The following CLEC18B variants were observed in gnomAD, a reference collection of about 807,000 sequenced individuals.
CLEC18B encodes C-type lectin domain family 18 member B.
A neutral mutation model predicts 60.4 loss-of-function variants in CLEC18B; 5 were observed. The observed-to-expected ratio is 0.08, with a 90% CI of 0.04 to 0.17. CLEC18B has a LOEUF of 0.17. CLEC18B is among the 10% of genes least tolerant of loss of function. CLEC18B has a pLI of 1.00. For missense variants in CLEC18B, 26 were observed against 572.8 expected (o/e 0.05, Z 9.74); for synonymous variants, 16 against 221.2 (o/e 0.07, Z 8.23).
chr16:74,423,810 C>T (rs1389669568), upstream of CLEC18B, among the ~76,000 whole-genome samples: 4 of 152,158 alleles, frequency 2.6e-5, no homozygotes, highest in East Asian at 1.9e-4. Context: ...GGAACCGACA[C>T]GCTGTGTGAC....
intron 2 of CLEC18B, among the ~76,000 whole-genome samples, chr16:74,419,373 C>T (rs1364012233): frequency 1.3e-5 from 2 of 151,054 alleles, no homozygotes; most frequent in African/African-American, 4.9e-5. Flanking sequence ...AGCAGCCCTC[C>T]ACCCCCACAA....
upstream of CLEC18B, among the ~76,000 whole-genome samples, chr16:74,423,525 C>T (rs1236374797): frequency 1.3e-5 from 2 of 152,246 alleles, no homozygotes; most frequent in African/African-American, 4.8e-5. Flanking sequence ...CCTGTCTCTA[C>T]TAAAAATACA....
At chr16:74,413,324 C>T (rs1597180219) in intron 4 of CLEC18B, among the ~76,000 whole-genome samples, 166 bp from the exon 5 acceptor site, 1 of 152,280 alleles carries the variant, frequency 6.6e-6, no homozygotes, top group Admixed American at 6.5e-5. Context: ...GAAGAGATGG[C>T]CTCCAAACCA....
upstream of CLEC18B, among the ~76,000 whole-genome samples, chr16:74,423,602 T>A (rs1263173448): frequency 2.6e-5 from 4 of 152,120 alleles, no homozygotes; most frequent in African/African-American, 9.7e-5. Context: ...GGCAGGAGAA[T>A]TGCTTGAATC....
chr16:74,417,893 G>GC (rs2013486719), intron 3 of CLEC18B, among the ~76,000 whole-genome samples, 166 bp downstream of exon 3: 1 of 151,970 alleles, frequency 6.6e-6, no homozygotes, highest in Admixed American at 6.6e-5. Flanking sequence ...ACTCTAGCCT[G>GC]CGCAACACAG....
chr16:74,421,610 C>T (rs528575801), upstream of CLEC18B: 7 of 494,078 alleles, frequency 1.4e-5, no homozygotes, highest in South Asian at 1.6e-4. Context: ...TTGGGGAGCC[C>T]CCAGAGACCC....
chr16:74,416,226 G>C (rs1255580768), intron 3 of CLEC18B, among the ~76,000 whole-genome samples: 1 of 145,972 alleles, frequency 6.9e-6, no homozygotes, highest in Admixed American at 7.6e-5. Context: ...TCGCACCACT[G>C]CACAGCAGCC....
At chr16:74,418,589 C>G (rs1243027689) in intron 2 of CLEC18B, among the ~76,000 whole-genome samples, 2 of 148,640 alleles carry the variant, frequency 1.3e-5, no homozygotes, top group African/African-American at 2.5e-5. Flanking sequence ...CCCATCTGGT[C>G]ATGTGAGCAG....
Position 74,421,397 on chromosome 16 carries a change from G to T in CLEC18B, c.-127C>A. 7.5e-6 allele frequency: 12 copies of T among 1,600,020 alleles called. No individual in the cohort carries two copies. The highest frequency in any genetic ancestry group is 1.0e-5 in the Non-Finnish European group (12 of 1,173,552). ...CTGGGCTGGTGGACAAAAGAGGGGG[G>T]CTGGTGAACAAAAGAAGGAGGCTGG... is the stretch of plus-strand genomic sequence containing the variant. On this transcript the variant is annotated 5_prime_UTR_variant, in exon 1 of 12. Coordinates refer to ENST00000682950, the MANE Select transcript of CLEC18B (RefSeq NM_001385193.1).
chr16:74,422,846 T>G, upstream of CLEC18B, among the ~76,000 whole-genome samples: 1 of 151,606 alleles, frequency 6.6e-6, no homozygotes, highest in South Asian at 2.1e-4. Flanking sequence ...TTATTTTTTT[T>G]GGTAGAGACA....
upstream of CLEC18B, among the ~76,000 whole-genome samples, chr16:74,424,119 C>T (rs1597192290): frequency 6.6e-6 from 1 of 152,222 alleles, no homozygotes; most frequent in South Asian, 2.1e-4. Flanking sequence ...CTATCTATCC[C>T]ACCCCTCTCC....
intron 4 of CLEC18B, among the ~76,000 whole-genome samples, 193 bp downstream of exon 4, chr16:74,413,386 G>T (rs368962196): frequency 5.3e-5 from 8 of 152,238 alleles, no homozygotes; most frequent in African/African-American, 1.9e-4. Flanking sequence ...AGGGACATCC[G>T]CAGAGCAGCA....
chr16:74,418,726 T>C (rs1030690492), intron 2 of CLEC18B, among the ~76,000 whole-genome samples: 1 of 152,238 alleles, frequency 6.6e-6, no homozygotes, highest in African/African-American at 2.4e-5. Flanking sequence ...CTCTCTGCCC[T>C]AGTCTCCTGC....
intron 3 of CLEC18B, among the ~76,000 whole-genome samples, chr16:74,417,480 A>T (rs4888230): frequency 2.8e-3 from 237 of 84,132 alleles, no homozygotes; most frequent in Admixed American, 4.3e-3. Flanking sequence ...CTGGGTGTAG[A>T]GGCGCACACC....
intron 3 of CLEC18B, among the ~76,000 whole-genome samples, chr16:74,417,091 C>T (rs1198560232): frequency 2.7e-5 from 4 of 149,168 alleles, no homozygotes; most frequent in African/African-American, 9.8e-5. Flanking sequence ...ATGGTGAAAC[C>T]CTATCTCTAC....
At chr16:74,423,507 G>A (rs1286849594), upstream of CLEC18B, among the ~76,000 whole-genome samples, 8 of 152,262 alleles carry the variant, frequency 5.3e-5, no homozygotes, top group African/African-American at 1.7e-4. Flanking sequence ...TGGCCAACAT[G>A]GTGAAATCCT....
At chr16:74,423,377 T>A (rs2013747205), upstream of CLEC18B, among the ~76,000 whole-genome samples, 1 of 152,222 alleles carries the variant, frequency 6.6e-6, no homozygotes, top group Admixed American at 6.5e-5. Flanking sequence ...AAGGGTCCCA[T>A]GGCCCTGGCT....
chr16:74,412,035 G>C (rs768620160), intron 7 of CLEC18B, 119 bp downstream of exon 7: 1 of 724,512 alleles, frequency 1.4e-6, no homozygotes, highest in African/African-American at 1.7e-5. Flanking sequence ...AGATCTCAAC[G>C]TGTTGTCACT....
At chr16:74,418,821 T>A (rs1240483620) in intron 2 of CLEC18B, among the ~76,000 whole-genome samples, 1 of 115,920 alleles carries the variant, frequency 8.6e-6, no homozygotes, top group East Asian at 2.5e-4. Flanking sequence ...TGAGACAGAG[T>A]CTCACCCTGT....
Sources: gnomAD v4.1 joint callset for allele counts (sites outside exome capture counted in the v4.1 genomes callset) on GRCh38, gnomAD v4.1.1 for gene constraint, MANE v1.5 for transcripts, NCBI Gene and HGNC (gene_info 2026-07-23, HGNC 2026-07-21) for gene names.